Variants in TLN2 observed in about 807,000 individuals in gnomAD.
TLN2 encodes the protein talin 2, also known as talin-2.
Under a neutral mutation model 294.7 loss-of-function variants are expected in TLN2, and 118 were observed. That is an observed-to-expected ratio of 0.40 (90% CI 0.34 to 0.47). The LOEUF is 0.47. Among genes scored for constraint, TLN2 ranks in the 20% least tolerant of loss-of-function variants. The pLI is 0.84. For missense variants in TLN2, 3,083 were observed against 3,282.2 expected (o/e 0.94, Z 1.48); for synonymous variants, 1,431 against 1,304.5 (o/e 1.10, Z -2.09).
intron 55 of TLN2, chr15:62,834,537 T>C (rs2069256917): frequency 6.6e-6 from 1 of 152,222 alleles, no homozygotes; most frequent in African/African-American, 2.4e-5. Flanking sequence ...AGGAAGTCTT[T>C]TGTGAGCTTA....
intron 14 of TLN2, among the ~76,000 whole-genome samples, chr15:62,697,130 CAG>C (rs2058397079): frequency 6.6e-6 from 1 of 152,222 alleles, no homozygotes; most frequent in Admixed American, 6.5e-5. Flanking sequence ...CTTCTTGAGA[CAG>C]AGTCTCACTC....
intron 12 of TLN2, 142 bp downstream of exon 12, chr15:62,686,938 A>C (rs1449075970): frequency 2.8e-5 from 33 of 1,184,654 alleles, no homozygotes; most frequent in African/African-American, 6.1e-5. Context: ...GTGCAAGCCC[A>C]TGGGCAGGGA....
At chr15:62,816,126 T>G (rs772910419) in intron 52 of TLN2, among the ~76,000 whole-genome samples, 38 of 152,218 alleles carry the variant, frequency 2.5e-4, no homozygotes, top group Admixed American at 1.2e-3. Context: ...AACCCCCGCC[T>G]GGGGAATCCT....
chr15:62,719,735 C>A, intron 24 of TLN2, 32 bp from the exon 25 acceptor site: 2 of 1,529,274 alleles, frequency 1.3e-6, no homozygotes, highest in Admixed American at 1.9e-5. Flanking sequence ...ACCATTCTAG[C>A]CATGCTGTTT....
chr15:62,484,328 C>T (rs911758421), intron 1 of TLN2, among the ~76,000 whole-genome samples: 4 of 152,094 alleles, frequency 2.6e-5, no homozygotes, highest in South Asian at 2.1e-4. Flanking sequence ...AAGTATCCTA[C>T]GAAACAAGAG....
chr15:62,742,072 T>TGTGTGTGTGTGTGTGTGTGTGA (rs1272145437), intron 32 of TLN2, among the ~76,000 whole-genome samples: 2 of 142,408 alleles, frequency 1.4e-5, no homozygotes, highest in African/African-American at 2.7e-5. Context: ...TGTGTGTGTG[T>TGTGTGTGTGTGTGTGTGTGTGA]GTGAAGGGTT....
At chr15:62,819,675 T>G in intron 53 of TLN2, 54 bp downstream of exon 53, 1 of 1,496,326 alleles carries the variant, frequency 6.7e-7, no homozygotes, top group Non-Finnish European at 9.2e-7. Context: ...GCAGTGCTAA[T>G]ACAGCAGACT....
intron 1 of TLN2, among the ~76,000 whole-genome samples, chr15:62,533,203 G>A (rs1444841696): frequency 7.2e-6 from 1 of 138,300 alleles, no homozygotes; most frequent in African/African-American, 2.7e-5. Flanking sequence ...ACAGTGAGCC[G>A]AGATTGTACC....
chr15:62,557,591 G>T (rs772903270), intron 1 of TLN2, among the ~76,000 whole-genome samples: 1 of 152,166 alleles, frequency 6.6e-6, no homozygotes, highest in African/African-American at 2.4e-5. Flanking sequence ...CTGCAGTGGC[G>T]TGATCTCGGC....
intron 1 of TLN2, among the ~76,000 whole-genome samples, chr15:62,498,999 G>A (rs1444260067): frequency 6.6e-6 from 1 of 152,114 alleles, no homozygotes; most frequent in Non-Finnish European, 1.5e-5. Flanking sequence ...AGAAGATATG[G>A]TCTTTGCCAC....
intron 28 of TLN2, among the ~76,000 whole-genome samples, chr15:62,728,415 G>A (rs1178943456): frequency 2.0e-5 from 3 of 152,174 alleles, no homozygotes; most frequent in Non-Finnish European, 4.4e-5. Flanking sequence ...CCAGGAACAA[G>A]TCCGGTCCAC....
At chr15:62,436,889 G>C (rs552785996) in intron 1 of TLN2, among the ~76,000 whole-genome samples, 101 of 152,158 alleles carry the variant, frequency 6.6e-4, no homozygotes, top group Non-Finnish European at 1.2e-3. Context: ...ATCGTGCCTG[G>C]CTAATTTTTA....
chr15:62,819,179 G>A (rs924353444), intron 52 of TLN2, among the ~76,000 whole-genome samples: 8 of 152,120 alleles, frequency 5.3e-5, no homozygotes, highest in Non-Finnish European at 1.0e-4. Flanking sequence ...TTACAGTTTG[G>A]TTAAATTTCA....
rs969070984 is a variant in TLN2 at position 62,796,119 on chromosome 15, G to A, written c.5884-8G>A. The A allele has an allele frequency of 1.9e-6, 3 of 1,612,906 alleles. No individual in the cohort carries two copies. In the African/African-American group the frequency reaches 4.0e-5, roughly 22 times the overall value. ...TTAGCTCCCCTCACATTCCCTTTCT[G>A]CCTACAGGTCTCCTTGGTGCTCTCG... is the stretch of plus-strand genomic sequence containing the variant. On this transcript the variant is annotated splice_polypyrimidine_tract_variant and splice_region_variant and intron_variant, in intron 46 of 58. Coordinates refer to ENST00000636159, the MANE Select transcript of TLN2 (RefSeq NM_015059.3).
chr15:62,563,389 C>A (rs2043141467), intron 1 of TLN2, among the ~76,000 whole-genome samples: 1 of 152,046 alleles, frequency 6.6e-6, no homozygotes, highest in African/African-American at 2.4e-5. Flanking sequence ...CGTTTGTATA[C>A]CTTCTTTTGA....
intron 25 of TLN2, 55 bp downstream of exon 25, chr15:62,719,935 C>G: frequency 7.2e-7 from 1 of 1,396,692 alleles, no homozygotes; most frequent in South Asian, 1.4e-5. Context: ...TGGGCAGGGG[C>G]TGCCCTTTAA....
intron 9 of TLN2, among the ~76,000 whole-genome samples, chr15:62,667,009 A>T (rs2054745487): frequency 6.6e-6 from 1 of 152,110 alleles, no homozygotes; most frequent in South Asian, 2.1e-4. Flanking sequence ...TCTGTCGCCC[A>T]GGCTGGAGTG....
chr15:62,590,532 G>C (rs1309689695), intron 2 of TLN2, among the ~76,000 whole-genome samples: 1 of 152,244 alleles, frequency 6.6e-6, no homozygotes, highest in Middle Eastern at 3.4e-3. Context: ...ATCCCACGGT[G>C]TATATGTACC....
chr15:62,763,749 C>A lies in TLN2; in HGVS notation c.5094+54C>A, dbSNP rs544761362. ...GTCGCCTCTAGATATGTTGAAAAAC[C>A]TTAGCATCAGACTTGGAGGGGTAGA... On this transcript the variant is annotated intron_variant, in intron 40 of 58. Transcript: ENST00000636159. 6.0e-6 allele frequency: 9 copies of A among 1,509,060 alleles called. No individual in the cohort carries two copies. In the East Asian group the frequency reaches 1.5e-4, roughly 24 times the overall value. The allele number at this position is 1,509,060 out of a possible 1,614,324, so 93.5% of individuals were successfully genotyped here.
Sources: gnomAD v4.1 joint callset for allele counts (sites outside exome capture counted in the v4.1 genomes callset) on GRCh38, gnomAD v4.1.1 for gene constraint, MANE v1.5 for transcripts, NCBI Gene and HGNC (gene_info 2026-07-23, HGNC 2026-07-21) for gene names.